The following SRCIN1 variants were observed in gnomAD, a reference collection of about 807,000 sequenced individuals.
SRCIN1 encodes SRC kinase signaling inhibitor 1.
A neutral mutation model predicts 116.2 loss-of-function variants in SRCIN1; 50 were observed. The observed-to-expected ratio is 0.43, with a 90% confidence interval of 0.34 to 0.54. The LOEUF is 0.54. SRCIN1 is among the 20% of genes least tolerant of loss of function. SRCIN1 has a pLI of 0.02. For synonymous variants in SRCIN1, 736 were observed against 750.0 expected (o/e 0.98, Z 0.30); for missense variants, 1,446 against 1,672.0 (o/e 0.86, Z 2.36).
chr17:38,561,521 C>G lies in SRCIN1; in HGVS notation c.1642G>C (p.Gly548Arg), dbSNP rs762476437. The G allele has an allele frequency of 1.3e-6, 2 of 1,598,320 alleles. No homozygotes were observed. Among genetic ancestry groups the G allele is most frequent in the East Asian group, 4.6e-5 (2 of 43,706 alleles). The change falls in exon 7 of 19, where the codon GGG (glycine) becomes CGG (arginine). Residue 548 changes from glycine to arginine, a missense_variant. By Grantham distance (125) the Gly-to-Arg change is moderately radical. This residue lies in a region of SRCIN1 where 398 missense variants were observed against 385.6 expected (regional missense o/e 1.03). Coordinates refer to ENST00000617146, the MANE Select transcript of SRCIN1 (RefSeq NM_025248.3). ...CCGAACCCAACCAGCGAGCGTTCCC[C>G]AGGCCCAGGGAAGAGCTCCGAAGGG... ...APPSELFPGP[G>R]ERSLVGFGPP...
At chr17:38,606,312 G>A (rs1002418407), upstream of SRCIN1, among the ~76,000 whole-genome samples, 1 of 151,862 alleles carries the variant, frequency 6.6e-6, no homozygotes, top group Non-Finnish European at 1.5e-5. The surrounding 1 kb of genome is among the most constrained non-coding windows in gnomAD (Gnocchi z 5.2). Flanking sequence ...AAGCCCGGGC[G>A]CGCCTAGGGA....
At chr17:38,540,740 G>GGTGT (rs151164930) in intron 18 of SRCIN1, among the ~76,000 whole-genome samples, 3,328 of 146,826 alleles carry the variant, frequency 0.023, 126 homozygotes, top group African/African-American at 0.075. Flanking sequence ...AGCTGGCAGG[G>GGTGT]GTGTGTGTGT....
rs1194465863 is a variant in SRCIN1 at position 38,572,393 on chromosome 17, G to A, written c.325-4162C>T. 6.6e-6 allele frequency among the ~76,000 whole-genome samples: 1 copy of A among 152,196 alleles called. No individual in the cohort carries two copies. Among genetic ancestry groups the A allele is most frequent in the Non-Finnish European group, 1.5e-5 (1 of 68,026 alleles). ...GGGTGGGGGTGCTGTGGGACGCTGGGGAAGAGGGCGCACCCCGGGAAGGTC... is the reference window on the plus strand; with the variant it reads ...GGGTGGGGGTGCTGTGGGACGCTGGAGAAGAGGGCGCACCCCGGGAAGGTC... On this transcript the variant is annotated intron_variant, in intron 2 of 18. Coordinates refer to ENST00000617146, the MANE Select transcript of SRCIN1 (RefSeq NM_025248.3). The surrounding 1 kb of genome is among the most constrained non-coding windows in gnomAD (Gnocchi z 4.3).
intron 18 of SRCIN1, among the ~76,000 whole-genome samples, chr17:38,535,388 A>G (rs2040987517): frequency 1.3e-5 from 2 of 151,822 alleles, no homozygotes; most frequent in Non-Finnish European, 2.9e-5. Context: ...TTGTGTTTTT[A>G]GTAAGACGAG....
At chr17:38,578,389 A>C in intron 2 of SRCIN1, 101 bp downstream of exon 2, 4 of 1,362,768 alleles carry the variant, frequency 2.9e-6, no homozygotes, top group South Asian at 1.5e-5. Context: ...GATGCCTCCC[A>C]GAGTTGGAAT....
rs148542362 is a variant in SRCIN1, at chr17:38,562,726, T to C, written c.834+101A>G. 6.6e-6 allele frequency: 7 copies of C among 1,060,466 alleles called. No homozygotes were observed. Among genetic ancestry groups the C allele is most frequent in the Middle Eastern group, 2.8e-4 (1 of 3,536 alleles). 65.7% of individuals were successfully genotyped at this position (1,060,466 alleles called of 1,614,324 possible). A position where few individuals can be genotyped will look rare whatever the true frequency, so the allele number is the denominator to read the frequency against. ...ACCCCTCAGCCCCTATGCTGTCTTC[T>C]CCAAAGCTGGCCCTGGTTCCAGATG... On this transcript the variant is annotated intron_variant, in intron 6 of 18. Coordinates refer to ENST00000617146, the MANE Select transcript of SRCIN1 (RefSeq NM_025248.3). The surrounding 1 kb of genome is among the most constrained non-coding windows in gnomAD (Gnocchi z 4.2).
rs747275210 is a variant in SRCIN1 at position 38,543,843 on chromosome 17, G to C, written c.3397C>G (p.Arg1133Gly). 11 of 1,607,308 alleles carry C rather than the reference G, an allele frequency of 6.8e-6. No homozygotes were observed. Among genetic ancestry groups the C allele is most frequent in the East Asian group, 2.2e-5 (1 of 44,868 alleles). Reference protein sequence around the residue: ...KHGKQRAEYMRIQAQQQATKP... With the variant: ...KHGKQRAEYMGIQAQQQATKP... ...CTCACCTGCTGCTGGGCCTGGATCC[G>C]CATGTACTCGGCCCTCTGCTTGCCA... Residue 1133 changes from arginine (R) to glycine (G), a missense_variant, in exon 18 of 19, where the codon CGG becomes GGG. By Grantham distance (125) the Arg-to-Gly change is moderately radical (BLOSUM62 -2). Transcript: ENST00000617146.
rs2143206994 is a variant in SRCIN1, at chr17:38,563,818, GGA to G, written c.541+298_542-298del. The G allele has an allele frequency of 1.6e-6, 1 of 634,202 alleles. No individual in the cohort carries two copies. Among genetic ancestry groups the G allele is most frequent in the East Asian group, 2.7e-5 (1 of 36,654 alleles). 39.3% of individuals were successfully genotyped at this position (634,202 alleles called of 1,614,324 possible). A position where few individuals can be genotyped will look rare whatever the true frequency, so the allele number is the denominator to read the frequency against. On this transcript the variant is annotated intron_variant, in intron 4 of 18. Coordinates refer to ENST00000617146, the MANE Select transcript of SRCIN1 (RefSeq NM_025248.3). This position sits in a 1 kb window ranked among gnomAD's most constrained non-coding sequence, Gnocchi z 5.8. ...GGAAACTGAGGGGAAGTGAGCTGAG[GGA>G]GAGAGAGGTTGGAGAGAGTTAGAGA...
At chr17:38,535,100 C>G (rs1168247881) in intron 18 of SRCIN1, among the ~76,000 whole-genome samples, 2 of 152,020 alleles carry the variant, frequency 1.3e-5, no homozygotes, top group Non-Finnish European at 2.9e-5. Context: ...CCACTGCACT[C>G]CAGCCTGGGT....
intron 1 of SRCIN1, among the ~76,000 whole-genome samples, chr17:38,598,200 TG>T (rs1908823595): frequency 1.3e-5 from 2 of 151,784 alleles, no homozygotes; most frequent in African/African-American, 4.8e-5. Flanking sequence ...GGGACAAGAA[TG>T]GGGGACTCAT....
chr17:38,549,682 A>G lies in SRCIN1; in HGVS notation c.2963-472T>C, dbSNP rs374481347. On this transcript the variant is annotated intron_variant, in intron 15 of 18. Coordinates refer to ENST00000617146, the MANE Select transcript of SRCIN1 (RefSeq NM_025248.3). ...TCCCACTGGGCTCTCCTCTCCCCCA[A>G]TTTGTCCTCCAGCCCTGCTTCCGGG... 3.5e-4 allele frequency among the ~76,000 whole-genome samples: 53 copies of G among 151,902 alleles called. No homozygotes were observed. The East Asian group carries it at 9.5e-3, about 27-fold the overall frequency.
Position 38,604,074 on chromosome 17 carries a change from A to G in SRCIN1, c.22+1610T>C, listed in dbSNP as rs781501778. 2.0e-5 allele frequency among the ~76,000 whole-genome samples: 3 copies of G among 152,200 alleles called. No homozygotes were observed. Among genetic ancestry groups the G allele is most frequent in the Non-Finnish European group, 4.4e-5 (3 of 68,030 alleles). ...ATGCATCATCAATTTTTAAAGATCA[A>G]CAAGAGGGAAAGGGATGGGAATAAG... On this transcript the variant is annotated intron_variant, in intron 1 of 18. Transcript: ENST00000617146. This position sits in a 1 kb window ranked among gnomAD's most constrained non-coding sequence, Gnocchi z 4.3.
At chr17:38,546,474 G>C (rs993812642) in intron 17 of SRCIN1, 1 of 152,334 alleles carries the variant, frequency 6.6e-6, no homozygotes, top group Non-Finnish European at 1.5e-5. Flanking sequence ...GAAGTGGGGG[G>C]TGCTGACTGG....
In SRCIN1 at chr17:38,552,119, C is replaced by T; in HGVS notation, c.2494G>A (p.Gly832Ser). 6.2e-7 allele frequency: 1 copy of T among 1,610,950 alleles called. No individual in the cohort carries two copies. The highest frequency in any genetic ancestry group is 8.5e-7 in the Non-Finnish European group (1 of 1,178,116). The change falls in exon 14 of 19, where the codon GGT (glycine) becomes AGT (serine). Residue 832 changes from glycine (G) to serine (S), a missense_variant. Gly to Ser is a moderately conservative substitution (Grantham distance 56). Around this residue, in one of 5 missense-constraint regions of SRCIN1, gnomAD observed 531 missense variants for 633.9 expected, o/e 0.84. Transcript: ENST00000617146. This position sits in a 1 kb window ranked among gnomAD's most constrained non-coding sequence, Gnocchi z 5.3. Reference protein sequence around the residue: ...LAQIRRQVDEGVWPPPNNLLS... With the variant: ...LAQIRRQVDESVWPPPNNLLS... ...AGATTGTTGGGGGGTGGCCACACAC[C>T]CTCATCCACTTGCCTGGGGTTGGGA...
intron 1 of SRCIN1, among the ~76,000 whole-genome samples, chr17:38,601,662 G>GCACACACACACACA (rs71138637): frequency 6.7e-6 from 1 of 149,842 alleles, no homozygotes; most frequent in Non-Finnish European, 1.5e-5. Flanking sequence ...ACGCTCGCGC[G>GCACACACACACACA]CACACACACA....
At chr17:38,567,921 C>A (rs1027115432) in intron 3 of SRCIN1, among the ~76,000 whole-genome samples, 1 of 152,198 alleles carries the variant, frequency 6.6e-6, no homozygotes, top group African/African-American at 2.4e-5. Context: ...AAATGTATGT[C>A]ATTTCAAAAT....
At chr17:38,545,824 G>T (rs1344302570) in intron 17 of SRCIN1, among the ~76,000 whole-genome samples, 2 of 152,224 alleles carry the variant, frequency 1.3e-5, no homozygotes, top group Non-Finnish European at 2.9e-5. Flanking sequence ...AGGATGAAGT[G>T]AGCTCGCTGG....
At chr17:38,598,034 C>T (rs1908814158) in intron 1 of SRCIN1, among the ~76,000 whole-genome samples, 1 of 152,124 alleles carries the variant, frequency 6.6e-6, no homozygotes, top group Non-Finnish European at 1.5e-5. Flanking sequence ...GGAAGCCCCG[C>T]ACAAGCCCCT....
chr17:38,595,779 T>C (rs1338666454), intron 1 of SRCIN1, among the ~76,000 whole-genome samples: 4 of 152,170 alleles, frequency 2.6e-5, no homozygotes, highest in Admixed American at 2.0e-4. Context: ...CTAGCTTACA[T>C]GGCGGCTTTG....
Sources: allele counts gnomAD v4.1 joint callset (sites outside exome capture counted in the v4.1 genomes callset), GRCh38; gene constraint gnomAD v4.1.1; regional missense constraint gnomAD v4.1.1; non-coding constraint Gnocchi (gnomAD v3.1); transcripts MANE v1.5; gene names NCBI Gene and HGNC (gene_info 2026-07-23, HGNC 2026-07-21).